FSTL5: variants seen among roughly 807,000 people sequenced by gnomAD.
FSTL5 encodes the protein follistatin like 5.
A neutral mutation model predicts 89.1 loss-of-function variants in FSTL5; 62 were observed. The observed-to-expected ratio is 0.70, with a 90% CI of 0.57 to 0.86. FSTL5 has a LOEUF of 0.86. FSTL5 is among the 40% of genes least tolerant of loss of function. FSTL5 has a pLI of 0.00. For synonymous variants in FSTL5, 383 were observed against 346.2 expected, an observed-to-expected ratio of 1.11 and a Z score of -1.18; for missense variants, 1,057 against 1,001.6, an observed-to-expected ratio of 1.06 and a Z score of -0.75.
intron 4 of FSTL5, among the ~76,000 whole-genome samples, chr4:161,871,114 G>A (rs1057360384): frequency 6.6e-6 from 1 of 152,052 alleles, no homozygotes; most frequent in Non-Finnish European, 1.5e-5. Context: ...AAGAGGTAAT[G>A]CACAATTGTT....
intron 2 of FSTL5, among the ~76,000 whole-genome samples, chr4:162,068,180 T>C (rs570089804): frequency 6.6e-6 from 1 of 152,086 alleles, no homozygotes; most frequent in Non-Finnish European, 1.5e-5. Flanking sequence ...TTGACGTTCT[T>C]CACAGAATTA....
chr4:161,506,794 T>G (rs1468659314), intron 11 of FSTL5, among the ~76,000 whole-genome samples: 1 of 152,212 alleles, frequency 6.6e-6, no homozygotes, highest in Non-Finnish European at 1.5e-5. Flanking sequence ...AATCATGAAG[T>G]GTAATGTAAT....
intron 13 of FSTL5, among the ~76,000 whole-genome samples, chr4:161,479,417 T>C (rs1437496646): frequency 6.8e-6 from 1 of 147,456 alleles, no homozygotes; most frequent in Non-Finnish European, 1.5e-5. Flanking sequence ...TAATTTATAT[T>C]CAGAGAGTAT....
chr4:162,094,868 T>C (rs1359982972), intron 2 of FSTL5, among the ~76,000 whole-genome samples: 2 of 152,154 alleles, frequency 1.3e-5, no homozygotes, highest in South Asian at 4.1e-4. Context: ...CACTTTACTC[T>C]ATATTGCTTC....
chr4:162,105,509 T>C (rs907843195), intron 2 of FSTL5, among the ~76,000 whole-genome samples: 1 of 152,182 alleles, frequency 6.6e-6, no homozygotes, highest in African/African-American at 2.4e-5. Context: ...CTCTGATTTT[T>C]TAATTATTCT....
intron 8 of FSTL5, among the ~76,000 whole-genome samples, chr4:161,583,397 C>G (rs193226603): frequency 2.0e-5 from 3 of 152,230 alleles, no homozygotes; most frequent in African/African-American, 7.2e-5. Context: ...TATAGATCTG[C>G]CATCCCCAAA....
At chr4:161,557,282 C>T (rs1732427713) in intron 8 of FSTL5, among the ~76,000 whole-genome samples, 1 of 150,232 alleles carries the variant, frequency 6.7e-6, no homozygotes, top group African/African-American at 2.4e-5. Flanking sequence ...TATTTCTGCA[C>T]CTTTACACAA....
At chr4:161,769,448 G>A (rs911733598) in intron 5 of FSTL5, among the ~76,000 whole-genome samples, 2 of 151,986 alleles carry the variant, frequency 1.3e-5, no homozygotes, top group Non-Finnish European at 1.5e-5. Flanking sequence ...CAAAATACTG[G>A]CACACTGAAT....
intron 4 of FSTL5, among the ~76,000 whole-genome samples, chr4:161,871,704 C>A (rs1451598039): frequency 1.3e-5 from 2 of 152,108 alleles, no homozygotes; most frequent in South Asian, 2.1e-4. Flanking sequence ...CAGATTATTT[C>A]TTTTCCAAAC....
chr4:161,735,708 A>G (rs887121310), intron 6 of FSTL5, among the ~76,000 whole-genome samples: 11 of 152,146 alleles, frequency 7.2e-5, no homozygotes, highest in African/African-American at 2.4e-4. Flanking sequence ...AAAAAATTTG[A>G]GGATATTTTT....
At chr4:161,389,182 T>C (rs1730741445) in intron 15 of FSTL5, among the ~76,000 whole-genome samples, 1 of 152,104 alleles carries the variant, frequency 6.6e-6, no homozygotes, top group Non-Finnish European at 1.5e-5. Flanking sequence ...TTTACGAGGC[T>C]CTCAACTTTC....
At chr4:161,996,165 G>A (rs1736288267) in intron 3 of FSTL5, among the ~76,000 whole-genome samples, 1 of 152,170 alleles carries the variant, frequency 6.6e-6, no homozygotes, top group African/African-American at 2.4e-5. Flanking sequence ...AACAAGAACT[G>A]AAATTCAAAG....
chr4:162,087,138 C>T (rs979966081), intron 2 of FSTL5, among the ~76,000 whole-genome samples: 2 of 152,010 alleles, frequency 1.3e-5, no homozygotes, highest in Non-Finnish European at 1.5e-5. Flanking sequence ...TTCACCAACA[C>T]GACTACCTTA....
At chr4:161,681,549 C>A (rs932969082) in intron 6 of FSTL5, among the ~76,000 whole-genome samples, 11 of 151,988 alleles carry the variant, frequency 7.2e-5, no homozygotes, top group African/African-American at 2.7e-4. Flanking sequence ...CTCCTAATAG[C>A]CCTGGCAATA....
intron 1 of FSTL5, among the ~76,000 whole-genome samples, chr4:162,114,596 G>A (rs930980086): frequency 8.7e-5 from 13 of 150,090 alleles, no homozygotes; most frequent in African/African-American, 3.2e-4. Flanking sequence ...AATATTTCAT[G>A]CATTATAAAA....
chr4:161,705,742 A>C (rs1723039258), intron 6 of FSTL5, among the ~76,000 whole-genome samples: 1 of 151,368 alleles, frequency 6.6e-6, no homozygotes, highest in African/African-American at 2.4e-5. Context: ...GAATACCAAA[A>C]GTTAAAAGGT....
At chr4:161,456,019 G>T (rs1733340093) in intron 14 of FSTL5, among the ~76,000 whole-genome samples, 1 of 152,054 alleles carries the variant, frequency 6.6e-6, no homozygotes, top group African/African-American at 2.4e-5. Context: ...GAGTTAGTTT[G>T]TTTTTCCTAA....
chr4:162,125,725 T>G (rs1732052092), intron 1 of FSTL5, among the ~76,000 whole-genome samples: 1 of 152,072 alleles, frequency 6.6e-6, no homozygotes, highest in Non-Finnish European at 1.5e-5. Flanking sequence ...ATCCTTAGTG[T>G]AATTTACTTT....
intron 7 of FSTL5, among the ~76,000 whole-genome samples, chr4:161,622,605 T>C (rs1027843267): frequency 3.2e-4 from 49 of 152,168 alleles, no homozygotes; most frequent in African/African-American, 1.1e-3. Context: ...GGGTGAAAAG[T>C]TAGTTTAATC....
Sources: gnomAD v4.1 joint callset for allele counts (sites outside exome capture counted in the v4.1 genomes callset) on GRCh38, gnomAD v4.1.1 for gene constraint, MANE v1.5 for transcripts, NCBI Gene and HGNC (gene_info 2026-07-23, HGNC 2026-07-21) for gene names.